ELK3: variants seen among roughly 807,000 people sequenced by gnomAD.
ELK3 encodes the protein ETS domain-containing protein Elk-3.
ELK3 carries 10 observed loss-of-function variants against 28.9 expected under a neutral mutation model. The ratio of observed to expected loss-of-function variants is 0.35; its 90% confidence interval spans 0.21 to 0.59. The LOEUF is 0.59. ELK3 is among the 20% of genes least tolerant of loss of function. The pLI, the probability that ELK3 is intolerant of heterozygous loss-of-function variation, is 0.82. For missense variants in ELK3, 463 were observed against 517.3 expected (o/e 0.90, Z 1.02); for synonymous variants, 272 against 243.5 (o/e 1.12, Z -1.09).
At chr12:96,250,977 C>T (rs1004526503) in intron 3 of ELK3, among the ~76,000 whole-genome samples, 4 of 152,146 alleles carry the variant, frequency 2.6e-5, no homozygotes, top group Admixed American at 6.5e-5. Context: ...CTCATACAGG[C>T]ATCCCTCATT....
chr12:96,267,424 G>A lies in ELK3; in HGVS notation c.*244G>A. 2.7e-6 allele frequency: 1 copy of A among 367,704 alleles called. No individual in the cohort carries two copies. The highest frequency in any genetic ancestry group is 5.9e-5 in the East Asian group (1 of 16,958). 22.8% of individuals were successfully genotyped at this position (367,704 alleles called of 1,614,324 possible). On this transcript the variant is annotated 3_prime_UTR_variant, in exon 5 of 5. Transcript: ENST00000228741. ...ATGTTTTTGTTTTTATATCCTTTTA[G>A]CTCTTAAGTGTTGAACACTGTTGAC... is the stretch of plus-strand genomic sequence containing the variant.
chr12:96,211,837 ACTTTT>A (rs1407512515), intron 1 of ELK3, among the ~76,000 whole-genome samples: 7 of 152,166 alleles, frequency 4.6e-5, no homozygotes, highest in Admixed American at 2.0e-4. Flanking sequence ...CAAAATAAAA[ACTTTT>A]CTGTGTCCAG....
In ELK3 at chr12:96,268,855, AAC is replaced by A; in HGVS notation, c.*1678_*1679del. On this transcript the variant is annotated 3_prime_UTR_variant, in exon 5 of 5. Coordinates refer to ENST00000228741, the MANE Select transcript of ELK3 (RefSeq NM_005230.4). The stretch of plus-strand genomic sequence containing the variant: ...GCCCTTATCAAGGGATAAAAATCCA[AAC>A]ACTCTAACATGCCTCCTTGACTGTA... The A allele has an allele frequency of 6.6e-6, 1 of 152,338 alleles. No homozygotes were observed. Among genetic ancestry groups the A allele is most frequent in the South Asian group, 2.1e-4 (1 of 4,826 alleles). 9.4% of individuals were successfully genotyped at this position (152,338 alleles called of 1,614,324 possible).
rs533707998 is a variant in ELK3 at position 96,248,684 on chromosome 12, C to T, written c.1002+950C>T. ...GCATTGTTAACCGTGGAGCTGCACC[C>T]GTCCCCTGCCTCTGTAATCTCATCG... On this transcript the variant is annotated intron_variant, in intron 3 of 4. Coordinates refer to ENST00000228741, the MANE Select transcript of ELK3 (RefSeq NM_005230.4). Among the ~76,000 whole-genome samples, 17 of 152,232 alleles carry T rather than the reference C, an allele frequency of 1.1e-4. No homozygotes were observed. In the East Asian group the frequency reaches 2.5e-3, roughly 23 times the overall value.
At chr12:96,243,345 T>C (rs1951834094) in intron 2 of ELK3, among the ~76,000 whole-genome samples, 1 of 152,220 alleles carries the variant, frequency 6.6e-6, no homozygotes, top group Non-Finnish European at 1.5e-5. Context: ...TGTATAGATA[T>C]CATGATTCTG....
intron 4 of ELK3, among the ~76,000 whole-genome samples, chr12:96,261,131 T>TC (rs1422430895): frequency 6.6e-6 from 1 of 152,204 alleles, no homozygotes; most frequent in Non-Finnish European, 1.5e-5. Flanking sequence ...GCTGAGTACC[T>TC]CCTCTGTGCC....
At position 96,247,126 on chromosome 12, in the gene ELK3, A is replaced by T; in HGVS notation, c.394A>T (p.Thr132Ser). Residue 132 changes from threonine to serine, a missense_variant, in exon 3 of 5, where the codon ACG (threonine) becomes TCG (serine). Physicochemically the swap from Thr to Ser is moderately conservative, Grantham distance 58 (BLOSUM62 1). Transcript: ENST00000228741. The surrounding 1 kb of genome is among the most constrained non-coding windows in gnomAD (Gnocchi z 5.5). The stretch of plus-strand genomic sequence containing the variant: ...ACACGGCCTGGCCGCCCTCAGAAGC[A>T]CGAGCCGCAACGAATACATCCACTC... The part of the protein sequence containing the change: ...HKHGLAALRS[T>S]SRNEYIHSGL... 6.2e-7 allele frequency: 1 copy of T among 1,612,696 alleles called. No individual in the cohort carries two copies. Among genetic ancestry groups the T allele is most frequent in the Non-Finnish European group, 8.5e-7 (1 of 1,179,470 alleles).
intron 2 of ELK3, among the ~76,000 whole-genome samples, chr12:96,230,851 C>T (rs1049088579): frequency 2.0e-5 from 3 of 152,174 alleles, no homozygotes; most frequent in South Asian, 2.1e-4. Flanking sequence ...GCCAGGGTTC[C>T]GCATCCGAGC....
At chr12:96,230,474 T>C (rs559670733) in intron 2 of ELK3, among the ~76,000 whole-genome samples, 72 of 152,270 alleles carry the variant, frequency 4.7e-4, no homozygotes, top group African/African-American at 1.5e-3. Context: ...AAAAGGAAAC[T>C]GCTCCCCATG....
intron 2 of ELK3, among the ~76,000 whole-genome samples, chr12:96,225,129 G>A (rs540130160): frequency 2.4e-3 from 365 of 152,314 alleles, no homozygotes; most frequent in African/African-American, 8.2e-3. Context: ...ATTGTTTTGC[G>A]TGTTTTCCCA....
chr12:96,269,724 C>G lies in ELK3; in HGVS notation c.*2544C>G, dbSNP rs934947093. The G allele has an allele frequency of 6.6e-6, 1 of 152,180 alleles. No individual in the cohort carries two copies. Among genetic ancestry groups the G allele is most frequent in the African/African-American group, 2.4e-5 (1 of 41,432 alleles). 9.4% of individuals were successfully genotyped at this position (152,180 alleles called of 1,614,324 possible). A position where few individuals can be genotyped will look rare whatever the true frequency, so the allele number is the denominator to read the frequency against. ...AGAACTATATAACCTGAATGTTGGT[C>G]TCTTTGTACACATCTTTTCTATGAC... On this transcript the variant is annotated 3_prime_UTR_variant, in exon 5 of 5. Coordinates refer to ENST00000228741, the MANE Select transcript of ELK3 (RefSeq NM_005230.4).
intron 1 of ELK3, among the ~76,000 whole-genome samples, chr12:96,216,208 C>A (rs764393543): frequency 6.6e-6 from 1 of 152,120 alleles, no homozygotes; most frequent in Non-Finnish European, 1.5e-5. Flanking sequence ...CTATCTGACC[C>A]AACAGCTCTC....
At chr12:96,254,615 T>C (rs1951933285) in intron 3 of ELK3, among the ~76,000 whole-genome samples, 1 of 151,960 alleles carries the variant, frequency 6.6e-6, no homozygotes, top group African/African-American at 2.4e-5. Context: ...GCCCATCATG[T>C]GAAAGCTGCT....
At chr12:96,252,774 T>A (rs1951917565) in intron 3 of ELK3, among the ~76,000 whole-genome samples, 1 of 152,258 alleles carries the variant, frequency 6.6e-6, no homozygotes, top group African/African-American at 2.4e-5. Context: ...TCTACTCCTG[T>A]TGAAGACGCT....
intron 2 of ELK3, among the ~76,000 whole-genome samples, chr12:96,229,339 A>C (rs1020119120): frequency 6.6e-6 from 1 of 152,136 alleles, no homozygotes; most frequent in Non-Finnish European, 1.5e-5. Flanking sequence ...TGGAGGCCAG[A>C]TGTCCAGAGC....
At chr12:96,265,657 T>TG (rs1462501128) in intron 4 of ELK3, among the ~76,000 whole-genome samples, 1 of 152,074 alleles carries the variant, frequency 6.6e-6, no homozygotes, top group African/African-American at 2.4e-5. Context: ...CCAGCCTGGG[T>TG]GACAGAGCCA....
intron 3 of ELK3, among the ~76,000 whole-genome samples, chr12:96,250,078 A>C (rs55997706): frequency 0.22 from 32,880 of 152,112 alleles, 4,435 homozygotes; most frequent in Middle Eastern, 0.32. Flanking sequence ...GAGTGGAAGT[A>C]AAGGGACCTG....
At position 96,229,357 on chromosome 12, in the gene ELK3, TCAG is replaced by T. The variant is rs542146661; in HGVS notation, c.207+5588_207+5590del. On this transcript the variant is annotated intron_variant, in intron 2 of 4. Transcript: ENST00000228741. The stretch of plus-strand genomic sequence containing the variant: ...AGGCCAGATGTCCAGAGCCAGGGTG[TCAG>T]CAGAGCTGTGCTCCCTCTGACTCAG... 3.9e-5 allele frequency among the ~76,000 whole-genome samples: 6 copies of T among 152,200 alleles called. No homozygotes were observed. In the South Asian group the frequency reaches 6.2e-4, roughly 16 times the overall value.
At position 96,250,371 on chromosome 12, in the gene ELK3, G is replaced by C. The variant is rs970231175; in HGVS notation, c.1002+2637G>C. Among the ~76,000 whole-genome samples the C allele has an allele frequency of 2.0e-5, 3 of 152,178 alleles. No homozygotes were observed. In the East Asian group the frequency reaches 5.8e-4, roughly 29 times the overall value. The stretch of plus-strand genomic sequence containing the variant: ...TATTCAGAGTTGAGTTCTTGCAGCC[G>C]GTTTCACCCAGGCGGATTCCCTGAG... On this transcript the variant is annotated intron_variant, in intron 3 of 4. Transcript: ENST00000228741.
Sources: gnomAD v4.1 joint callset for allele counts (sites outside exome capture counted in the v4.1 genomes callset) on GRCh38, gnomAD v4.1.1 for gene constraint, Gnocchi (gnomAD v3.1) non-coding constraint, MANE v1.5 for transcripts, NCBI Gene and HGNC (gene_info 2026-07-23, HGNC 2026-07-21) for gene names.